LMBR1L: variants seen among roughly 807,000 people sequenced by gnomAD.
LMBR1L encodes the protein limb development membrane protein 1 like.
LMBR1L carries 47 observed loss-of-function variants against 67.3 expected under a neutral mutation model. The observed-to-expected ratio is 0.70, with a 90% CI of 0.55 to 0.89. The LOEUF is 0.89. Among genes scored for constraint, LMBR1L ranks in the 40% least tolerant of loss-of-function variants. LMBR1L has a pLI of 0.00. For synonymous variants in LMBR1L, 247 were observed against 250.3 expected (o/e 0.99, Z 0.13); for missense variants, 533 against 599.2 (o/e 0.89, Z 1.15).
At chr12:49,102,660 C>T (rs926456988) in intron 8 of LMBR1L, 120 bp from the exon 9 acceptor site, 12 of 1,061,622 alleles carry the variant, frequency 1.1e-5, no homozygotes, top group African/African-American at 3.2e-5. Context: ...CCTCATTCAC[C>T]ACCCTGTGGC....
At chr12:49,105,438 G>A (rs759598875) in intron 3 of LMBR1L, among the ~76,000 whole-genome samples, 24 of 152,166 alleles carry the variant, frequency 1.6e-4, no homozygotes, top group Admixed American at 2.6e-4. Flanking sequence ...CATCAAGGGT[G>A]GAGGGCTGCC....
At chr12:49,098,130 AGGTGGG>A in intron 15 of LMBR1L, 25 bp from the exon 16 acceptor site, 3 of 1,598,250 alleles carry the variant, frequency 1.9e-6, no homozygotes, top group Non-Finnish European at 8.6e-7. Context: ...CCAGGATGAG[AGGTGGG>A]CTCCCCAGGC....
intron 2 of LMBR1L, 200 bp downstream of exon 2, chr12:49,106,761 T>C: frequency 2.4e-6 from 2 of 848,558 alleles, no homozygotes; most frequent in South Asian, 1.4e-5. Flanking sequence ...GGATCAGAAA[T>C]GTTATATGAC....
chr12:49,101,379 AC>A, intron 12 of LMBR1L, 56 bp from the exon 13 acceptor site: 1 of 1,605,768 alleles, frequency 6.2e-7, no homozygotes, highest in Admixed American at 1.7e-5. Context: ...ACTACCCGGC[AC>A]CCAGCCTTCC....
At chr12:49,103,044 C>T in intron 7 of LMBR1L, 47 bp downstream of exon 7, 1 of 1,609,706 alleles carries the variant, frequency 6.2e-7, no homozygotes, top group Non-Finnish European at 8.5e-7. Context: ...CCTGGTTACT[C>T]TGGTCCAAGG....
intron 8 of LMBR1L, 117 bp from the exon 9 acceptor site, chr12:49,102,657 C>A: frequency 9.1e-7 from 1 of 1,100,278 alleles, no homozygotes; most frequent in Non-Finnish European, 1.3e-6. Context: ...GACCCTCATT[C>A]ACCACCCTGT....
At chr12:49,110,364 T>TCCGTCGCCCGCCGCTGGCCC in intron 1 of LMBR1L, 120 bp downstream of exon 1, 1 of 942,966 alleles carries the variant, frequency 1.1e-6, no homozygotes, top group Non-Finnish European at 1.7e-6. Context: ...GACGGAGGCC[T>TCCGTCGCCCGCCGCTGGCCC]CCGTCGCCCG....
intron 2 of LMBR1L, 166 bp downstream of exon 2, chr12:49,106,795 A>T (rs1555151132): frequency 1.1e-5 from 9 of 830,324 alleles, no homozygotes; most frequent in African/African-American, 1.7e-5. Context: ...ACATCCATCT[A>T]GCCGCCCTTG....
At chr12:49,109,415 A>G (rs1941289114) in intron 1 of LMBR1L, among the ~76,000 whole-genome samples, 1 of 151,852 alleles carries the variant, frequency 6.6e-6, no homozygotes, top group African/African-American at 2.4e-5. Flanking sequence ...AGACTAATAT[A>G]CTTTCCTGTC....
chr12:49,102,739 A>G, intron 8 of LMBR1L, 148 bp downstream of exon 8: 2 of 863,500 alleles, frequency 2.3e-6, no homozygotes, highest in South Asian at 1.6e-5. Context: ...CCAGCTCTGC[A>G]TGATAGGGGT....
chr12:49,110,797 G>A lies in LMBR1L; in HGVS notation c.-242C>T. 1 of 530,032 alleles carries A rather than the reference G, an allele frequency of 1.9e-6. No homozygotes were observed. The highest frequency in any genetic ancestry group is 3.4e-6 in the Non-Finnish European group (1 of 294,718). 32.8% of individuals were successfully genotyped at this position (530,032 alleles called of 1,614,324 possible). ...CTCCCTTTGCTCCCCACTCTTTAAG[G>A]TCGGGTCGCGCTCACGTTTCAATGC... On this transcript the variant is annotated 5_prime_UTR_variant, in exon 1 of 17. Coordinates refer to ENST00000267102, the MANE Select transcript of LMBR1L (RefSeq NM_018113.4).
intron 1 of LMBR1L, 60 bp downstream of exon 1, chr12:49,110,424 G>T: frequency 1.3e-6 from 2 of 1,533,362 alleles, no homozygotes; most frequent in Non-Finnish European, 1.8e-6. Flanking sequence ...GGTGGGCTCG[G>T]ACCCCAACCT....
intron 15 of LMBR1L, among the ~76,000 whole-genome samples, chr12:49,099,581 C>A (rs933568638): frequency 3.6e-5 from 5 of 139,924 alleles, no homozygotes; most frequent in Non-Finnish European, 7.9e-5. Context: ...CACTCTTGAA[C>A]TTTTTTTTTT....
chr12:49,108,219 C>T (rs532973193), intron 1 of LMBR1L, among the ~76,000 whole-genome samples: 84 of 150,648 alleles, frequency 5.6e-4, no homozygotes, highest in African/African-American at 1.9e-3. Flanking sequence ...GCTGTGATGG[C>T]GCCACTGCAC....
In LMBR1L at chr12:49,102,558, G is replaced by A. The variant is rs1239373227; in HGVS notation, c.697-18C>T. The A allele has an allele frequency of 1.9e-6, 3 of 1,613,002 alleles. No individual in the cohort carries two copies. Among genetic ancestry groups the A allele is most frequent in the Non-Finnish European group, 2.5e-6 (3 of 1,179,376 alleles). On this transcript the variant is annotated intron_variant, in intron 8 of 16. Coordinates refer to ENST00000267102, the MANE Select transcript of LMBR1L (RefSeq NM_018113.4). ...TCCAGCAGCTAGGGGCAGGGGAAAGGAAGAGACTAACTGTCAGAGGCTCCC... is the reference window on the plus strand; with the variant it reads ...TCCAGCAGCTAGGGGCAGGGGAAAGAAAGAGACTAACTGTCAGAGGCTCCC...
intron 6 of LMBR1L, 80 bp from the exon 7 acceptor site, chr12:49,103,239 C>G (rs1474872149): frequency 8.1e-7 from 1 of 1,227,508 alleles, no homozygotes; most frequent in African/African-American, 1.5e-5. Context: ...AGAGTCTAGA[C>G]AAGGGCACAG....
chr12:49,098,133 T>A, intron 15 of LMBR1L, 28 bp from the exon 16 acceptor site: 11 of 1,564,968 alleles, frequency 7.0e-6, no homozygotes, highest in Non-Finnish European at 9.7e-6. Context: ...GGATGAGAGG[T>A]GGGCTCCCCA....
intron 4 of LMBR1L, 45 bp from the exon 5 acceptor site, chr12:49,104,596 G>T: frequency 6.4e-7 from 1 of 1,568,276 alleles, no homozygotes; most frequent in Non-Finnish European, 8.8e-7. Flanking sequence ...AAGGGGAGGG[G>T]CAACCCACAG....
In LMBR1L at chr12:49,097,649, T is replaced by C; in HGVS notation, c.*23A>G. The stretch of plus-strand genomic sequence containing the variant: ...CAGCAGATGGCAGTGTCCAGTTTTT[T>C]CCTTCCCACCCCCAGCTGGAGGTCA... On this transcript the variant is annotated 3_prime_UTR_variant, in exon 17 of 17. Transcript: ENST00000267102. The C allele has an allele frequency of 6.2e-7, 1 of 1,612,108 alleles. No homozygotes were observed. Among genetic ancestry groups the C allele is most frequent in the African/African-American group, 1.3e-5 (1 of 74,988 alleles).
Sources: allele counts gnomAD v4.1 joint callset (sites outside exome capture counted in the v4.1 genomes callset), GRCh38; gene constraint gnomAD v4.1.1; transcripts MANE v1.5; gene names NCBI Gene and HGNC (gene_info 2026-07-23, HGNC 2026-07-21).